STOX2: variants seen among roughly 807,000 people sequenced by gnomAD.
The protein encoded by STOX2 is storkhead box 2.
STOX2 carries 28 observed loss-of-function variants against 60.9 expected under a neutral mutation model. The ratio of observed to expected loss-of-function variants is 0.46; its 90% CI spans 0.34 to 0.63. The LOEUF (loss-of-function observed/expected upper bound fraction) is 0.63, where lower values mean the gene tolerates loss of function less well. Among genes scored for constraint, STOX2 ranks in the 30% least tolerant of loss-of-function variants. STOX2 has a pLI of 0.01. For synonymous variants in STOX2, 472 were observed against 463.9 expected (o/e 1.02, Z -0.22); for missense variants, 1,024 against 1,187.7 (o/e 0.86, Z 2.03).
chr4:183,890,427 G>C lies in STOX2; in HGVS notation c.364+92372G>C, dbSNP rs1741179534. Among the ~76,000 whole-genome samples, 6 of 148,648 alleles carry C rather than the reference G, an allele frequency of 4.0e-5. No individual in the cohort carries two copies. In the South Asian group the frequency reaches 1.3e-3, roughly 32 times the overall value. On this transcript the variant is annotated intron_variant, in intron 1 of 2. Transcript: ENST00000513034. ...GAACCCGGGAGGTGGAGGCTGCAGT[G>C]AGCCAAGGTTGCGTCACTGCACTCC... is the stretch of plus-strand genomic sequence containing the variant.
intron 1 of STOX2, among the ~76,000 whole-genome samples, chr4:183,834,681 A>G (rs1400841419): frequency 6.6e-6 from 1 of 152,230 alleles, no homozygotes; most frequent in African/African-American, 2.4e-5. Flanking sequence ...AATGATAGTC[A>G]TATTAGGCAA....
intron 2 of STOX2, among the ~76,000 whole-genome samples, chr4:184,005,639 C>T (rs904112200): frequency 2.6e-5 from 4 of 152,096 alleles, no homozygotes; most frequent in Non-Finnish European, 1.5e-5. Flanking sequence ...GATGAACTTT[C>T]GGAGTCGAAT....
chr4:183,859,310 G>C (rs1740375625), intron 1 of STOX2, among the ~76,000 whole-genome samples: 2 of 152,184 alleles, frequency 1.3e-5, no homozygotes, highest in Admixed American at 6.5e-5. Flanking sequence ...ACCGCAGTAG[G>C]GCAGATACAG....
chr4:183,990,744 C>T (rs1733074167), intron 1 of STOX2, among the ~76,000 whole-genome samples: 9 of 151,806 alleles, frequency 5.9e-5, no homozygotes, highest in Admixed American at 5.9e-4. Context: ...TACCCTGAGA[C>T]AGTGTCACAG....
intron 1 of STOX2, among the ~76,000 whole-genome samples, chr4:183,841,290 C>G (rs1352103686): frequency 6.6e-6 from 1 of 152,068 alleles, no homozygotes; most frequent in Non-Finnish European, 1.5e-5. Flanking sequence ...GGAGACTTAG[C>G]TTCCTGGGTA....
chr4:183,814,291 A>G (rs1294033682), intron 1 of STOX2, among the ~76,000 whole-genome samples: 1 of 152,252 alleles, frequency 6.6e-6, no homozygotes, highest in Non-Finnish European at 1.5e-5. Context: ...TTTCACAACA[A>G]TACAAATTAG....
At chr4:183,991,327 T>G (rs1733094673) in intron 1 of STOX2, among the ~76,000 whole-genome samples, 1 of 152,204 alleles carries the variant, frequency 6.6e-6, no homozygotes, top group African/African-American at 2.4e-5. Flanking sequence ...GATATTTTAG[T>G]TTTTTAAAAA....
At position 184,009,155 on chromosome 4, in the gene STOX2, C is replaced by G. The variant is rs201502311; in HGVS notation, c.320-3C>G. 146 of 322,290 alleles carry G rather than the reference C, an allele frequency of 4.5e-4. No homozygotes were observed. The highest frequency in any genetic ancestry group is 8.8e-4 in the Middle Eastern group (1 of 1,136). The allele number at this position is 322,290 out of a possible 1,614,324, so 20.0% of individuals were successfully genotyped here. On this transcript the variant is annotated splice_polypyrimidine_tract_variant and splice_region_variant and intron_variant, in intron 2 of 3. Transcript: ENST00000308497. The surrounding 1 kb of genome is among the most constrained non-coding windows in gnomAD (Gnocchi z 4.0). ...CAAGTGGTTTTTTTTTTTTTTTTTT[C>G]AGGTGTTCCAACGCCAAGCCAAGAA...
chr4:183,807,529 C>T (rs7659026), intron 1 of STOX2, among the ~76,000 whole-genome samples: 66,208 of 152,008 alleles, frequency 0.44, 15,021 homozygotes, highest in African/African-American at 0.54. Flanking sequence ...CATCGCCTTC[C>T]CTCTTTGTCA....
intron 1 of STOX2, among the ~76,000 whole-genome samples, chr4:183,818,625 G>A (rs1019411890): frequency 7.2e-5 from 11 of 152,364 alleles, no homozygotes; most frequent in Admixed American, 2.0e-4. Flanking sequence ...CCTCCCAGAC[G>A]GGGTGGCGGC....
At chr4:183,875,726 CT>C (rs201268695) in intron 1 of STOX2, among the ~76,000 whole-genome samples, 2,633 of 152,288 alleles carry the variant, frequency 0.017, 47 homozygotes, top group Admixed American at 0.055. Flanking sequence ...CACATGAGTA[CT>C]TTTATCATTA....
intron 1 of STOX2, among the ~76,000 whole-genome samples, chr4:183,954,248 A>G (rs1579462970): frequency 6.6e-6 from 1 of 152,152 alleles, no homozygotes; most frequent in Middle Eastern, 3.4e-3. Context: ...TTTCTGCCCT[A>G]CCAAGCCTGT....
rs1740289647 is a variant in STOX2 at position 183,856,549 on chromosome 4, C to T, written c.364+58494C>T. 6.6e-6 allele frequency among the ~76,000 whole-genome samples: 1 copy of T among 152,132 alleles called. No homozygotes were observed. The highest frequency in any genetic ancestry group is 1.5e-5 in the Non-Finnish European group (1 of 68,018). ...AAGGGCAGTTCAGGGATCTGCCTTC[C>T]AAAGCCTTGTCTAAAAGCCGTCCCT... On this transcript the variant is annotated intron_variant, in intron 1 of 2. Coordinates refer to the STOX2 transcript ENST00000513034. This position sits in a 1 kb window ranked among gnomAD's most constrained non-coding sequence, Gnocchi z 4.0.
Position 183,802,207 on chromosome 4 carries a change from A to G in STOX2, c.364+4152A>G, listed in dbSNP as rs75481810. 8.0e-3 allele frequency among the ~76,000 whole-genome samples: 1,215 copies of G among 152,296 alleles called. 10 individuals are homozygous for G. Among genetic ancestry groups the G allele is most frequent in the Non-Finnish European group, 0.014 (945 of 68,016 alleles). ...ATCCTCACATGTTTAAATAGTTCAG[A>G]CCAAATACACTTTTTTAGACTTTAT... On this transcript the variant is annotated intron_variant, in intron 1 of 2. Transcript: ENST00000513034.
intron 1 of STOX2, among the ~76,000 whole-genome samples, chr4:183,912,147 C>T (rs925423876): frequency 6.6e-6 from 1 of 152,204 alleles, no homozygotes; most frequent in African/African-American, 2.4e-5. Flanking sequence ...CTGAACCCTT[C>T]TTCTGTTCTA....
chr4:183,961,411 A>G (rs1188430490), intron 1 of STOX2, among the ~76,000 whole-genome samples: 2 of 152,002 alleles, frequency 1.3e-5, no homozygotes, highest in Non-Finnish European at 2.9e-5. Context: ...TCTGCCAGCC[A>G]CCTTGCTTTA....
rs139743025 is a variant in STOX2 at position 183,967,354 on chromosome 4, G to C, written c.167-33971G>C. 1.8e-4 allele frequency among the ~76,000 whole-genome samples: 27 copies of C among 147,126 alleles called. No individual in the cohort carries two copies. The East Asian group carries it at 4.9e-3, about 27-fold the overall frequency. On this transcript the variant is annotated intron_variant, in intron 1 of 3. Coordinates refer to ENST00000308497, the MANE Select transcript of STOX2 (RefSeq NM_020225.3). Reference sequence around the variant, plus strand: ...GCACTCCAGCCTGGGCAACAAGAGCGAAACTCCGTCTCAAGAGAAAAAAAA... The same window carrying C: ...GCACTCCAGCCTGGGCAACAAGAGCCAAACTCCGTCTCAAGAGAAAAAAAA...
intron 1 of STOX2, among the ~76,000 whole-genome samples, chr4:183,960,492 C>T (rs556405754): frequency 1.3e-5 from 2 of 152,180 alleles, no homozygotes; most frequent in African/African-American, 2.4e-5. Context: ...GAATCTCAAG[C>T]GTATTCTAAA....
At chr4:183,967,739 G>A (rs1743620356) in intron 1 of STOX2, among the ~76,000 whole-genome samples, 1 of 152,212 alleles carries the variant, frequency 6.6e-6, no homozygotes, top group Admixed American at 6.5e-5. Context: ...ATAATCCTGT[G>A]TTGGATTAAA....
Sources: allele counts gnomAD v4.1 joint callset (sites outside exome capture counted in the v4.1 genomes callset), GRCh38; gene constraint gnomAD v4.1.1; non-coding constraint Gnocchi (gnomAD v3.1); transcripts MANE v1.5; gene names NCBI Gene and HGNC (gene_info 2026-07-23, HGNC 2026-07-21).